The following TH variants were observed in gnomAD, a reference collection of about 807,000 sequenced individuals.
The protein encoded by TH is tyrosine hydroxylase, also known as tyrosine 3-monooxygenase.
In TH, 49 loss-of-function variants were observed where a neutral mutation model predicts 57.4. That is an observed-to-expected ratio of 0.85 (90% CI 0.68 to 1.08). TH has a LOEUF of 1.08. Ranked by LOEUF, TH falls within the 50% of genes least tolerant of loss-of-function variation. The pLI is 0.00. For missense variants in TH, 720 were observed against 696.7 expected (o/e 1.03, Z -0.38); for synonymous variants, 330 against 304.5 (o/e 1.08, Z -0.87).
chr11:2,168,057 G>A, intron 4 of TH, 34 bp downstream of exon 4: 2 of 1,612,014 alleles, frequency 1.2e-6, no homozygotes, highest in Non-Finnish European at 1.7e-6. Context: ...TGTGATCAGG[G>A]GCAGGAGGCC....
In TH at chr11:2,171,789, C is replaced by G; in HGVS notation, c.-3G>C. The G allele has an allele frequency of 6.2e-7, 1 of 1,610,988 alleles. No homozygotes were observed. On this transcript the variant is annotated 5_prime_UTR_variant, in exon 1 of 13. Coordinates refer to ENST00000352909, the MANE Select transcript of TH (RefSeq NM_000360.4). This position sits in a 1 kb window ranked among gnomAD's most constrained non-coding sequence, Gnocchi z 8.6. ...GTGGTGGCGTCGGGGGTGGGCATGG[C>G]TCAGTGTGGAGGTCCGGGCTCCGTC...
chr11:2,168,661 A>C lies in TH; in HGVS notation c.317T>G (p.Phe106Cys), dbSNP rs754585105. The part of the protein sequence containing the change: ...LSRAVKVFET[F>C]EAKIHHLETR... ...CTCTAGATGGTGGATTTTGGCTTCA[A>C]ACGTCTTAGGGAGCAAAAGCAGGAA... is the stretch of plus-strand genomic sequence containing the variant. Residue 106 changes from phenylalanine to cysteine, a missense_variant, in exon 3 of 13, where the codon TTT (phenylalanine) becomes TGT (cysteine). Coordinates refer to ENST00000352909, the MANE Select transcript of TH (RefSeq NM_000360.4). The C allele has an allele frequency of 6.7e-7, 1 of 1,489,890 alleles. No homozygotes were observed. The allele number at this position is 1,489,890 out of a possible 1,614,324, so 92.3% of individuals were successfully genotyped here.
At chr11:2,165,971 C>G (rs1179833762) in intron 10 of TH, 31 bp downstream of exon 10, 4 of 1,555,242 alleles carry the variant, frequency 2.6e-6, no homozygotes, top group South Asian at 1.2e-5. Flanking sequence ...CAAACCCACA[C>G]CCCAGGCCCT....
rs1191965399 is a variant in TH at position 2,165,662 on chromosome 11, T to C, written c.1200+6A>G. On this transcript the variant is annotated splice_donor_region_variant and intron_variant, in intron 11 of 12. Transcript: ENST00000352909. The stretch of plus-strand genomic sequence containing the variant: ...GCTGGGGGCTGCAGCAAGGAGAGAC[T>C]CTCACCAGGAGCTCCCCGTAGGAGG... The C allele has an allele frequency of 2.5e-6, 4 of 1,612,272 alleles. No homozygotes were observed. Among genetic ancestry groups the C allele is most frequent in the Non-Finnish European group, 3.4e-6 (4 of 1,179,764 alleles).
Position 2,170,356 on chromosome 11 carries a change from C to G in TH, c.91-485G>C, listed in dbSNP as rs113717652. ...CGCACAGGGGACCCTTTCTCACACT[C>G]CCATCAGGACACCTGTCCTCGGGCC... On this transcript the variant is annotated intron_variant, in intron 1 of 12. Transcript: ENST00000352909. The surrounding 1 kb of genome is among the most constrained non-coding windows in gnomAD (Gnocchi z 6.0). Among the ~76,000 whole-genome samples the G allele has an allele frequency of 0.027, 4,169 of 152,156 alleles. 202 individuals carry two copies. The highest frequency in any genetic ancestry group is 0.095 in the African/African-American group (3,942 of 41,486).
At chr11:2,164,472 C>T (rs950109626) in intron 12 of TH, 80 bp from the exon 13 acceptor site, 5 of 1,495,164 alleles carry the variant, frequency 3.3e-6, no homozygotes, top group East Asian at 2.5e-5. Context: ...CCAGGGGCCG[C>T]GTTTCCACCT....
intron 5 of TH, 36 bp from the exon 6 acceptor site, chr11:2,167,521 G>A (rs765180715): frequency 3.2e-5 from 50 of 1,550,190 alleles, no homozygotes; most frequent in Admixed American, 7.8e-5. Flanking sequence ...GGTCCCCTCG[G>A]GGAGTGAGAA....
At chr11:2,166,402 C>G in intron 9 of TH, 78 bp downstream of exon 9, 1 of 1,500,494 alleles carries the variant, frequency 6.7e-7, no homozygotes. Context: ...TTCACCCACC[C>G]GCACATCGAT....
chr11:2,164,530 A>G (rs1846030462), intron 12 of TH, 138 bp from the exon 13 acceptor site: 2 of 1,009,144 alleles, frequency 2.0e-6, no homozygotes, highest in East Asian at 6.0e-5. Flanking sequence ...AACTGGTCAC[A>G]GGCGGGACAC....
Position 2,171,616 on chromosome 11 carries a change from G to A in TH, c.90+81C>T. Reference sequence around the variant, plus strand: ...CCCTGAGCCTGGGGCTGCCAGCCAGGCTGGGGAGTAGCAGAGGCAGCTGGC... The same window carrying A: ...CCCTGAGCCTGGGGCTGCCAGCCAGACTGGGGAGTAGCAGAGGCAGCTGGC... On this transcript the variant is annotated intron_variant, in intron 1 of 12. Transcript: ENST00000352909. This position sits in a 1 kb window ranked among gnomAD's most constrained non-coding sequence, Gnocchi z 8.6. 4.0e-6 allele frequency: 6 copies of A among 1,503,018 alleles called. No individual in the cohort carries two copies. The highest frequency in any genetic ancestry group is 4.6e-6 in the Non-Finnish European group (5 of 1,095,368). 93.1% of individuals were successfully genotyped at this position (1,503,018 alleles called of 1,614,324 possible).
At chr11:2,169,506 G>T in intron 2 of TH, 144 bp downstream of exon 2, 1 of 771,262 alleles carries the variant, frequency 1.3e-6, no homozygotes, top group Admixed American at 2.3e-5. Context: ...GCTGAGCTGA[G>T]GCCTGAGACT....
chr11:2,168,304 CG>C, intron 3 of TH, 125 bp from the exon 4 acceptor site: 1 of 1,354,112 alleles, frequency 7.4e-7, no homozygotes, highest in Non-Finnish European at 1.0e-6. Context: ...GTGAGAGCTG[CG>C]GGGGGATCCT....
intron 12 of TH, among the ~76,000 whole-genome samples, 191 bp downstream of exon 12, chr11:2,165,041 G>A (rs1846047723): frequency 6.6e-6 from 1 of 152,320 alleles, no homozygotes. Context: ...CTGTAGGTCT[G>A]CCCCTCCCCA....
chr11:2,166,022 C>T lies in TH; in HGVS notation c.1084G>A (p.Glu362Lys), dbSNP rs776917257. 3.2e-6 allele frequency: 5 copies of T among 1,561,234 alleles called. No homozygotes were observed. The highest frequency in any genetic ancestry group is 1.4e-5 in the African/African-American group (1 of 74,018). Residue 362 changes from glutamate to lysine, a missense_variant, in exon 10 of 13, where the codon GAA becomes AAA. Glu to Lys is a moderately conservative substitution (Grantham distance 56). Transcript: ENST00000352909. The stretch of plus-strand genomic sequence containing the variant: ...CCCACCGTGGACAGCTTCTCAATTT[C>T]CTCATCCGAGGCCCCCAGGGACGCC... ...GLASLGASDE[E>K]IEKLSTLYWF...
chr11:2,168,007 C>T lies in TH; in HGVS notation c.577-74G>A. 3 of 1,609,026 alleles carry T rather than the reference C, an allele frequency of 1.9e-6. No homozygotes were observed. The South Asian group carries it at 3.3e-5, about 18-fold the overall frequency. On this transcript the variant is annotated intron_variant, in intron 4 of 12. Transcript: ENST00000352909. ...GCACAGGCCACGGAGGCTCCTGGAG[C>T]CGACAGACTCCTGTCCAGGGTTGGG... is the stretch of plus-strand genomic sequence containing the variant.
At position 2,170,143 on chromosome 11, in the gene TH, C is replaced by T. The variant is rs1005584012; in HGVS notation, c.91-272G>A. ...GGAAGGTGCTCGCCTGCTCCCCACT[C>T]TGTGGCGAGCAGACAGACAGAGACG... On this transcript the variant is annotated intron_variant, in intron 1 of 12. Coordinates refer to ENST00000352909, the MANE Select transcript of TH (RefSeq NM_000360.4). The surrounding 1 kb of genome is among the most constrained non-coding windows in gnomAD (Gnocchi z 6.0). Among the ~76,000 whole-genome samples, 1 of 152,158 alleles carries T rather than the reference C, an allele frequency of 6.6e-6. No homozygotes were observed. The highest frequency in any genetic ancestry group is 2.4e-5 in the African/African-American group (1 of 41,430).
Position 2,167,016 on chromosome 11 carries a change from T to C in TH, c.712A>G (p.Thr238Ala). The C allele has an allele frequency of 6.3e-7, 1 of 1,585,152 alleles. No individual in the cohort carries two copies. Among genetic ancestry groups the C allele is most frequent in the East Asian group, 2.3e-5 (1 of 43,388 alleles). The change falls in exon 7 of 13, where the codon ACG becomes GCG. Residue 238 changes from threonine to alanine, a missense_variant. Transcript: ENST00000352909. ...EIATWKEVYT[T>A]LKGLYATHAC... ...TGCGTGGCGTAGAGGCCCTTCAGCG[T>C]GGTGTAGACCTCCTTCCTGCGGGCA...
chr11:2,165,641 G>C lies in TH; in HGVS notation c.1200+27C>G. The C allele has an allele frequency of 1.9e-6, 3 of 1,610,228 alleles. No individual in the cohort carries two copies. In the South Asian group the frequency reaches 3.3e-5, roughly 18 times the overall value. ...GTCCCCCAGCCCTGCCCCTCTGCTG[G>C]GGGCTGCAGCAAGGAGAGACTCTCA... On this transcript the variant is annotated intron_variant, in intron 11 of 12. Coordinates refer to ENST00000352909, the MANE Select transcript of TH (RefSeq NM_000360.4).
chr11:2,166,233 G>A, intron 9 of TH, 175 bp from the exon 10 acceptor site: 2 of 891,164 alleles, frequency 2.2e-6, no homozygotes, highest in Non-Finnish European at 3.5e-6. Flanking sequence ...CCTCCAGGCA[G>A]CCCTCCTTGA....
Sources: gnomAD v4.1 joint callset for allele counts (sites outside exome capture counted in the v4.1 genomes callset) on GRCh38, gnomAD v4.1.1 for gene constraint, Gnocchi (gnomAD v3.1) non-coding constraint, MANE v1.5 for transcripts, NCBI Gene and HGNC (gene_info 2026-07-23, HGNC 2026-07-21) for gene names.